The following SPTB variants were observed in gnomAD, a reference collection of about 807,000 sequenced individuals.
SPTB encodes spectrin beta, erythrocytic.
SPTB carries 45 observed loss-of-function variants against 256.2 expected under a neutral mutation model. The observed-to-expected ratio is 0.18, with a 90% CI of 0.14 to 0.23. The LOEUF is 0.23. Among genes scored for constraint, SPTB ranks in the 10% least tolerant of loss-of-function variants. SPTB has a pLI of 1.00. For missense variants in SPTB, 2,715 were observed against 3,040.4 expected, an observed-to-expected ratio of 0.89 and a Z score of 2.52; for synonymous variants, 1,231 against 1,243.1, an observed-to-expected ratio of 0.99 and a Z score of 0.21.
chr14:64,775,679 C>T lies in SPTB; in HGVS notation c.4564-276G>A, dbSNP rs917207912. 3.3e-5 allele frequency among the ~76,000 whole-genome samples: 5 copies of T among 152,366 alleles called. No homozygotes were observed. The highest frequency in any genetic ancestry group is 7.3e-5 in the Non-Finnish European group (5 of 68,038). ...TCAGTGGCAGAGCCGGAGTTGAACACAGCTCCACCTGACCTGGCAGCCTGT... is the reference window on the plus strand; with the variant it reads ...TCAGTGGCAGAGCCGGAGTTGAACATAGCTCCACCTGACCTGGCAGCCTGT... On this transcript the variant is annotated intron_variant, in intron 22 of 35. Transcript: ENST00000644917. The surrounding 1 kb of genome is among the most constrained non-coding windows in gnomAD (Gnocchi z 5.0).
intron 7 of SPTB, 109 bp downstream of exon 7, chr14:64,801,176 C>T: frequency 2.1e-6 from 2 of 935,418 alleles, no homozygotes; most frequent in South Asian, 1.5e-5. Flanking sequence ...CCACAGCTTG[C>T]CCAGCACCTG....
chr14:64,860,840 C>A (rs544812207), intron 1 of SPTB, among the ~76,000 whole-genome samples: 2 of 152,232 alleles, frequency 1.3e-5, no homozygotes, highest in South Asian at 4.1e-4. Context: ...ACCAGAAATA[C>A]CATTTGATCC....
intron 1 of SPTB, among the ~76,000 whole-genome samples, chr14:64,849,567 T>C (rs2083746147): frequency 6.6e-6 from 1 of 152,208 alleles, no homozygotes; most frequent in African/African-American, 2.4e-5. Context: ...ATCTCCTCTT[T>C]TAGAGCAAAA....
chr14:64,863,188 C>A (rs945727099), intron 1 of SPTB, among the ~76,000 whole-genome samples: 2 of 152,114 alleles, frequency 1.3e-5, no homozygotes, highest in African/African-American at 2.4e-5. Flanking sequence ...TGGTCAAAAC[C>A]AATCTTGGCT....
chr14:64,799,615 A>C, intron 9 of SPTB, 132 bp downstream of exon 9: 1 of 1,072,646 alleles, frequency 9.3e-7, no homozygotes, highest in Non-Finnish European at 1.4e-6. Flanking sequence ...GGCAGGTGAC[A>C]CACATACAGC....
Position 64,747,852 on chromosome 14 carries a change from G to T in SPTB, c.*1454C>A, listed in dbSNP as rs1410793572. 2.3e-5 allele frequency: 3 copies of T among 128,444 alleles called. No homozygotes were observed. The highest frequency in any genetic ancestry group is 9.2e-5 in the African/African-American group (3 of 32,772). The allele number at this position is 128,444 out of a possible 1,614,324, so 8.0% of individuals were successfully genotyped here. A position where few individuals can be genotyped will look rare whatever the true frequency, so the allele number is the denominator to read the frequency against. On this transcript the variant is annotated 3_prime_UTR_variant, in exon 36 of 36. Coordinates refer to ENST00000644917, the MANE Select transcript of SPTB (RefSeq NM_001355436.2). ...GACTGCTCTCTTGGACCTAACCCTAGTTTGATACTGGGCCAGAACTGTGTT... is the reference window on the plus strand; with the variant it reads ...GACTGCTCTCTTGGACCTAACCCTATTTTGATACTGGGCCAGAACTGTGTT...
chr14:64,749,602 C>A lies in SPTB; in HGVS notation c.6819+52G>T. ...GCCTCCAGGGCAAGCGGCCTGGGGT[C>A]CTCCACCTACCCCCTTCTTAGCCAG... is the stretch of plus-strand genomic sequence containing the variant. On this transcript the variant is annotated intron_variant, in intron 35 of 35. Coordinates refer to ENST00000644917, the MANE Select transcript of SPTB (RefSeq NM_001355436.2). The surrounding 1 kb of genome is among the most constrained non-coding windows in gnomAD (Gnocchi z 4.7). The A allele has an allele frequency of 6.2e-7, 1 of 1,611,372 alleles. No individual in the cohort carries two copies. The highest frequency in any genetic ancestry group is 8.5e-7 in the Non-Finnish European group (1 of 1,179,484).
intron 29 of SPTB, 55 bp downstream of exon 29, chr14:64,768,979 C>T (rs1210500787): frequency 7.0e-7 from 1 of 1,423,258 alleles, no homozygotes; most frequent in African/African-American, 1.4e-5. Flanking sequence ...CCCCATTCCC[C>T]TACTCCTGCG....
In SPTB at chr14:64,775,098, T is replaced by C; in HGVS notation, c.4842+27A>G. 6.2e-7 allele frequency: 1 copy of C among 1,613,746 alleles called. No individual in the cohort carries two copies. The highest frequency in any genetic ancestry group is 8.5e-7 in the Non-Finnish European group (1 of 1,180,004). On this transcript the variant is annotated intron_variant, in intron 23 of 35. Coordinates refer to ENST00000644917, the MANE Select transcript of SPTB (RefSeq NM_001355436.2). This position sits in a 1 kb window ranked among gnomAD's most constrained non-coding sequence, Gnocchi z 5.0. ...ACTCTTCCTCTCTGCCTGGGCACCC[T>C]GGCTGGTATCCCCTGCCCGAACAGA... is the stretch of plus-strand genomic sequence containing the variant.
At position 64,785,528 on chromosome 14, in the gene SPTB, G is replaced by A. The variant is rs749514599; in HGVS notation, c.3855+9C>T. On this transcript the variant is annotated intron_variant, in intron 18 of 35. Transcript: ENST00000644917. The surrounding 1 kb of genome is among the most constrained non-coding windows in gnomAD (Gnocchi z 4.4). ...CCAGGAAAGCAGCCACTCCTTGCTGGAGCCTCACCTCCTGGCAGTTCTGGA... is the reference window on the plus strand; with the variant it reads ...CCAGGAAAGCAGCCACTCCTTGCTGAAGCCTCACCTCCTGGCAGTTCTGGA... The A allele has an allele frequency of 9.9e-6, 16 of 1,609,928 alleles. No homozygotes were observed. Among genetic ancestry groups the A allele is most frequent in the Admixed American group, 1.7e-5 (1 of 59,396 alleles).
intron 2 of SPTB, among the ~76,000 whole-genome samples, chr14:64,820,339 C>T (rs1224855318): frequency 6.6e-6 from 1 of 152,152 alleles, no homozygotes; most frequent in African/African-American, 2.4e-5. Flanking sequence ...TCTGCCTACC[C>T]AGCAGAATGG....
At chr14:64,761,010 G>T (rs2082086191) in intron 32 of SPTB, among the ~76,000 whole-genome samples, 1 of 152,180 alleles carries the variant, frequency 6.6e-6, no homozygotes, top group Non-Finnish European at 1.5e-5. Flanking sequence ...AAAACACATG[G>T]CTGATTGACA....
intron 32 of SPTB, among the ~76,000 whole-genome samples, chr14:64,762,858 G>C (rs1036557404): frequency 1.3e-5 from 2 of 152,318 alleles, no homozygotes; most frequent in African/African-American, 4.8e-5. Context: ...TAGCCTTGGG[G>C]CTTGGAGGCA....
At chr14:64,809,772 A>G (rs549800427) in intron 2 of SPTB, among the ~76,000 whole-genome samples, 2 of 152,294 alleles carry the variant, frequency 1.3e-5, no homozygotes, top group Non-Finnish European at 2.9e-5. Context: ...GTTAATAAAG[A>G]CACAAAATGT....
rs568350831 is a variant in SPTB, at chr14:64,864,655, G to A, written c.-52+15137C>T. Among the ~76,000 whole-genome samples the A allele has an allele frequency of 3.9e-5, 6 of 152,256 alleles. 1 individual carries two copies. In the South Asian group the frequency reaches 1.2e-3, roughly 32 times the overall value. On this transcript the variant is annotated intron_variant, in intron 1 of 35. Coordinates refer to ENST00000644917, the MANE Select transcript of SPTB (RefSeq NM_001355436.2). ...TCTACATGTGCCTGGAAAATCTCTAGAGAATAGACAAGAAATTGTTAATAG... is the reference window on the plus strand; with the variant it reads ...TCTACATGTGCCTGGAAAATCTCTAAAGAATAGACAAGAAATTGTTAATAG...
chr14:64,756,137 C>G (rs928333096), intron 32 of SPTB: 14 of 152,228 alleles, frequency 9.2e-5, no homozygotes, highest in African/African-American at 2.9e-4. Flanking sequence ...GCAGAACTCT[C>G]TAGTTGCTGG....
At chr14:64,819,139 C>T (rs2083244084) in intron 2 of SPTB, among the ~76,000 whole-genome samples, 1 of 152,188 alleles carries the variant, frequency 6.6e-6, no homozygotes, top group Admixed American at 6.5e-5. Flanking sequence ...CATTTTCCTA[C>T]CCTTCTTCCT....
intron 1 of SPTB, among the ~76,000 whole-genome samples, chr14:64,878,818 T>C (rs918295659): frequency 1.3e-5 from 2 of 148,838 alleles, no homozygotes; most frequent in Middle Eastern, 3.2e-3. Flanking sequence ...AATTTAGATG[T>C]ACAAAAAACA....
chr14:64,862,873 CAA>C (rs5809252), intron 1 of SPTB, among the ~76,000 whole-genome samples: 2 of 150,260 alleles, frequency 1.3e-5, no homozygotes, highest in Non-Finnish European at 3.0e-5. Context: ...ACAATAACAA[CAA>C]AAAAAAACCA....
Sources: allele counts gnomAD v4.1 joint callset (sites outside exome capture counted in the v4.1 genomes callset), GRCh38; gene constraint gnomAD v4.1.1; non-coding constraint Gnocchi (gnomAD v3.1); transcripts MANE v1.5; gene names NCBI Gene and HGNC (gene_info 2026-07-23, HGNC 2026-07-21).